Variants in CDH1 observed in about 807,000 individuals in gnomAD.
CDH1 encodes cadherin-1.
In CDH1, 35 loss-of-function variants were observed where a neutral mutation model predicts 84.5. The observed-to-expected ratio is 0.41, with a 90% CI of 0.32 to 0.55. CDH1 has a LOEUF of 0.55. Among genes scored for constraint, CDH1 ranks in the 20% least tolerant of loss-of-function variants. CDH1 has a pLI of 0.19. For synonymous variants in CDH1, 417 were observed against 439.0 expected (o/e 0.95, Z 0.63); for missense variants, 994 against 1,126.6 (o/e 0.88, Z 1.68).
chr16:68,796,463 C>T (rs1301766919), intron 2 of CDH1, among the ~76,000 whole-genome samples: 2 of 152,076 alleles, frequency 1.3e-5, no homozygotes, highest in Non-Finnish European at 2.9e-5. Flanking sequence ...AGTTATGGGA[C>T]CAGGCGGGCG....
At chr16:68,749,626 C>G (rs937357340) in intron 2 of CDH1, among the ~76,000 whole-genome samples, 3 of 152,226 alleles carry the variant, frequency 2.0e-5, no homozygotes, top group Non-Finnish European at 4.4e-5. Context: ...TTAATCCTCC[C>G]TGTAGTCCAA....
Position 68,812,264 on chromosome 16 carries a change from G to A in CDH1, c.1137+1G>A, listed in dbSNP as rs876660771. 1 of 1,613,910 alleles carries A rather than the reference G, an allele frequency of 6.2e-7. No homozygotes were observed. Among genetic ancestry groups the A allele is most frequent in the African/African-American group, 1.3e-5 (1 of 74,922 alleles). ...TCCTCCGATCTTCAATCCCACCACG[G>A]TAATTCTATAACTCCTTAGAGGGTT... On this transcript the variant is annotated splice_donor_variant, in intron 8 of 15. Transcript: ENST00000261769. LOFTEE classifies it high-confidence loss of function.
chr16:68,810,163 C>T (rs2152130936), intron 5 of CDH1, 34 bp from the exon 6 acceptor site: 1 of 1,613,460 alleles, frequency 6.2e-7, no homozygotes, highest in Non-Finnish European at 8.5e-7. Context: ...TCTTCCTCAT[C>T]AGAGCTCAAG....
At chr16:68,743,853 A>G (rs374292797) in intron 2 of CDH1, among the ~76,000 whole-genome samples, 12 of 152,346 alleles carry the variant, frequency 7.9e-5, no homozygotes, top group South Asian at 4.1e-4. Context: ...TATGAGTCTC[A>G]GTTTCCCCAC....
intron 2 of CDH1, among the ~76,000 whole-genome samples, chr16:68,747,542 C>T (rs1486025382): frequency 1.3e-5 from 2 of 152,160 alleles, no homozygotes; most frequent in Non-Finnish European, 2.9e-5. Flanking sequence ...CCCCAAACCA[C>T]GCTTCACCCA....
intron 10 of CDH1, among the ~76,000 whole-genome samples, 197 bp downstream of exon 10, chr16:68,815,956 G>A (rs1314478818): frequency 6.6e-6 from 1 of 152,170 alleles, no homozygotes; most frequent in Non-Finnish European, 1.5e-5. Flanking sequence ...TTCTTGGTCT[G>A]ATGTGCTGCC....
At chr16:68,819,194 A>G in intron 10 of CDH1, 86 bp from the exon 11 acceptor site, 1 of 1,478,128 alleles carries the variant, frequency 6.8e-7, no homozygotes, top group South Asian at 1.1e-5. Flanking sequence ...GGAAGTAACC[A>G]TATAACTGAA....
At chr16:68,744,624 G>T (rs193264421) in intron 2 of CDH1, among the ~76,000 whole-genome samples, 1 of 152,108 alleles carries the variant, frequency 6.6e-6, no homozygotes, top group Admixed American at 6.6e-5. Flanking sequence ...CAAGATTTGG[G>T]TGGCATCTTC....
chr16:68,773,188 C>G (rs941090890), intron 2 of CDH1, among the ~76,000 whole-genome samples: 1 of 152,016 alleles, frequency 6.6e-6, no homozygotes, highest in African/African-American at 2.4e-5. Flanking sequence ...TTTGTGTGTT[C>G]CCGTGCTTCA....
chr16:68,823,992 C>CTTTTTTTT lies in CDH1; in HGVS notation c.2164+381_2164+388dup, dbSNP rs889358029. 1.2e-3 allele frequency among the ~76,000 whole-genome samples: 118 copies of CTTTTTTTT among 99,892 alleles called. 2 individuals are homozygous for CTTTTTTTT. The highest frequency in any genetic ancestry group is 3.1e-3 in the African/African-American group (74 of 23,912). 65.5% of individuals were successfully genotyped at this position (99,892 alleles called of 152,430 possible). A position where few individuals can be genotyped will look rare whatever the true frequency, so the allele number is the denominator to read the frequency against. On this transcript the variant is annotated intron_variant, in intron 13 of 15. Transcript: ENST00000261769. ...GCATAGGGCCACAGATTCTGCATTTCTTTTTTTTTTTTTTTTTTTTTTGAG... is the reference window on the plus strand; with the variant it reads ...GCATAGGGCCACAGATTCTGCATTTCTTTTTTTTTTTTTTTTTTTTTTTTTTTTTTGAG...
chr16:68,808,558 C>A lies in CDH1; in HGVS notation c.522C>A (p.Asn174Lys), dbSNP rs571581856. ...ATGAAAAAGGCCCATTTCCTAAAAA[C>A]CTGGTTCAGGTAGAGAAAGAAGTTC... ...PENEKGPFPK[N>K]LVQIKSNKDK... The change falls in exon 4 of 16, where the codon AAC becomes AAA. Residue 174 changes from asparagine (N) to lysine (K), a missense_variant. Asn to Lys is a moderately conservative substitution (Grantham distance 94). Coordinates refer to ENST00000261769, the MANE Select transcript of CDH1 (RefSeq NM_004360.5). 3 of 1,614,148 alleles carry A rather than the reference C, an allele frequency of 1.9e-6. No individual in the cohort carries two copies. The highest frequency in any genetic ancestry group is 2.5e-6 in the Non-Finnish European group (3 of 1,180,022).
chr16:68,775,223 G>A (rs1210373886), intron 2 of CDH1, among the ~76,000 whole-genome samples: 1 of 152,042 alleles, frequency 6.6e-6, no homozygotes, highest in Non-Finnish European at 1.5e-5. Flanking sequence ...GTGCGTCCGA[G>A]CATGCACTTT....
At chr16:68,792,677 G>C (rs1960240116) in intron 2 of CDH1, among the ~76,000 whole-genome samples, 1 of 152,248 alleles carries the variant, frequency 6.6e-6, no homozygotes, top group Non-Finnish European at 1.5e-5. Context: ...CCCTTTGCCA[G>C]TGTGACCAAG....
At chr16:68,796,869 T>A (rs1444731034) in intron 2 of CDH1, among the ~76,000 whole-genome samples, 1 of 152,088 alleles carries the variant, frequency 6.6e-6, no homozygotes, top group Non-Finnish European at 1.5e-5. Flanking sequence ...CCAGGCACAA[T>A]ACTTGTATCT....
At chr16:68,802,476 C>T (rs542622734) in intron 3 of CDH1, among the ~76,000 whole-genome samples, 3 of 151,916 alleles carry the variant, frequency 2.0e-5, no homozygotes, top group East Asian at 1.9e-4. Flanking sequence ...ATTCTTCTCT[C>T]TCTCTCTCTT....
chr16:68,775,372 C>A lies in CDH1; in HGVS notation c.164-26298C>A, dbSNP rs1417676064. On this transcript the variant is annotated intron_variant, in intron 2 of 15. Coordinates refer to ENST00000261769, the MANE Select transcript of CDH1 (RefSeq NM_004360.5). ...CATCCAACTCTGATGGCAAATATTC[C>A]CAACCATGCCAAGAATGTCTTGTGT... Among the ~76,000 whole-genome samples the A allele has an allele frequency of 3.3e-5, 5 of 152,096 alleles. No homozygotes were observed. The East Asian group carries it at 9.6e-4, about 29-fold the overall frequency.
At chr16:68,771,667 G>A (rs1459730828) in intron 2 of CDH1, among the ~76,000 whole-genome samples, 2 of 151,490 alleles carry the variant, frequency 1.3e-5, no homozygotes, top group African/African-American at 2.4e-5. Flanking sequence ...CAGGAGAATC[G>A]CTTGAACCCA....
chr16:68,834,675 T>C lies in CDH1; in HGVS notation c.*1176T>C, dbSNP rs9282654. ...TATTGTCTACTCTGAAGACCTTTAA[T>C]GGCTTCCCTCTTTCATCTCCTGAGT... On this transcript the variant is annotated 3_prime_UTR_variant, in exon 16 of 16. Coordinates refer to ENST00000261769, the MANE Select transcript of CDH1 (RefSeq NM_004360.5). 10 of 235,492 alleles carry C rather than the reference T, an allele frequency of 4.2e-5. No individual in the cohort carries two copies. Among genetic ancestry groups the C allele is most frequent in the Non-Finnish European group, 8.4e-5 (10 of 119,544 alleles). 14.6% of individuals were successfully genotyped at this position (235,492 alleles called of 1,614,324 possible). A position where few individuals can be genotyped will look rare whatever the true frequency, so the allele number is the denominator to read the frequency against.
chr16:68,794,873 T>C (rs1267704452), intron 2 of CDH1, among the ~76,000 whole-genome samples: 1 of 151,286 alleles, frequency 6.6e-6, no homozygotes, highest in East Asian at 1.9e-4. Flanking sequence ...TTTGTATTTT[T>C]AGTAGAGACG....
Sources: gnomAD v4.1 joint callset for allele counts (sites outside exome capture counted in the v4.1 genomes callset) on GRCh38, gnomAD v4.1.1 for gene constraint, MANE v1.5 for transcripts, NCBI Gene and HGNC (gene_info 2026-07-23, HGNC 2026-07-21) for gene names.